FOCAD: variants seen among roughly 807,000 people sequenced by gnomAD.
FOCAD encodes focadhesin, also known as KIAA1797.
Under a neutral mutation model 225.6 loss-of-function variants are expected in FOCAD, and 198 were observed. That is an observed-to-expected ratio of 0.88 (90% confidence interval 0.78 to 0.99). FOCAD has a LOEUF of 0.99. Ranked by LOEUF, FOCAD falls within the 50% of genes least tolerant of loss-of-function variation. The pLI is 0.00. For missense variants in FOCAD, 2,713 were observed against 2,123.6 expected, an observed-to-expected ratio of 1.28 and a Z score of -5.46; for synonymous variants, 897 against 755.0, an observed-to-expected ratio of 1.19 and a Z score of -3.08.
chr9:20,739,519 G>A (rs201661916), intron 4 of FOCAD, among the ~76,000 whole-genome samples: 1 of 151,630 alleles, frequency 6.6e-6, no homozygotes, highest in African/African-American at 2.4e-5. Flanking sequence ...AGGAGAATCA[G>A]TTGAACCCAG....
At chr9:20,833,988 G>C (rs1377876428) in intron 15 of FOCAD, among the ~76,000 whole-genome samples, 1 of 152,026 alleles carries the variant, frequency 6.6e-6, no homozygotes, top group Non-Finnish European at 1.5e-5. Context: ...TCCACTTCTA[G>C]ATACTTACCC....
chr9:20,819,348 G>T (rs369828874), intron 11 of FOCAD, among the ~76,000 whole-genome samples: 1 of 151,980 alleles, frequency 6.6e-6, no homozygotes, highest in African/African-American at 2.4e-5. Context: ...CAAGTAGCTG[G>T]GGCTACAGGT....
intron 8 of FOCAD, among the ~76,000 whole-genome samples, chr9:20,772,967 A>G (rs1266785040): frequency 1.0e-5 from 1 of 95,628 alleles, no homozygotes; most frequent in Non-Finnish European, 2.1e-5. Context: ...TATAATATAG[A>G]TAGTATATAA....
chr9:20,709,407 T>C (rs1005769562), intron 1 of FOCAD, among the ~76,000 whole-genome samples: 6 of 152,020 alleles, frequency 3.9e-5, no homozygotes, highest in African/African-American at 9.7e-5. Context: ...ATATAAATTG[T>C]TTTTCCTTAA....
chr9:20,804,077 C>G (rs1056296958), intron 11 of FOCAD, among the ~76,000 whole-genome samples: 3 of 151,988 alleles, frequency 2.0e-5, no homozygotes, highest in African/African-American at 7.2e-5. Flanking sequence ...GTAGAGATTG[C>G]CAGAAGGTGG....
chr9:20,708,935 C>A (rs919047223), intron 1 of FOCAD, among the ~76,000 whole-genome samples: 1 of 152,128 alleles, frequency 6.6e-6, no homozygotes, highest in Non-Finnish European at 1.5e-5. Flanking sequence ...CCTTGTATAT[C>A]AGTTATTGTC....
intron 4 of FOCAD, among the ~76,000 whole-genome samples, chr9:20,725,415 C>G (rs1826115645): frequency 6.6e-6 from 1 of 152,122 alleles, no homozygotes; most frequent in South Asian, 2.1e-4. Flanking sequence ...AGCCTACTAT[C>G]CTTCAGGAAC....
At chr9:20,938,263 A>G (rs1363464423) in intron 28 of FOCAD, among the ~76,000 whole-genome samples, 1 of 152,176 alleles carries the variant, frequency 6.6e-6, no homozygotes, top group African/African-American at 2.4e-5. Flanking sequence ...TCATGCTGCT[A>G]TAAAGACACA....
At chr9:20,880,425 C>T (rs1218285282) in intron 19 of FOCAD, among the ~76,000 whole-genome samples, 1 of 152,208 alleles carries the variant, frequency 6.6e-6, no homozygotes, top group African/African-American at 2.4e-5. Flanking sequence ...GAATACATCT[C>T]CTGACTTCAC....
Position 20,821,049 on chromosome 9 carries a change from A to G in FOCAD, c.1771A>G (p.Ile591Val), listed in dbSNP as rs747657602. The G allele has an allele frequency of 4.3e-6, 7 of 1,612,562 alleles. No homozygotes were observed. The Admixed American group carries it at 8.4e-5, about 19-fold the overall frequency. ...WEKLIAKAAS[I>V]RDICKQRPYQ... is the part of the protein sequence containing the mutation. ...GAAACTGATTGCAAAAGCAGCATCA[A>G]TCAGAGATATATGTAAGCAGAGGTA... is the stretch of plus-strand genomic sequence containing the variant. The change falls in exon 14 of 44, where the codon ATC becomes GTC. Residue 591 changes from isoleucine to valine, a missense_variant. Coordinates refer to ENST00000338382, the MANE Select transcript of FOCAD (RefSeq NM_001375567.1).
chr9:20,715,473 T>A (rs1825258502), intron 2 of FOCAD, 63 bp downstream of exon 2: 1 of 852,356 alleles, frequency 1.2e-6, no homozygotes, highest in Non-Finnish European at 1.7e-6. Flanking sequence ...GATTTTTAAC[T>A]GAACTTTATA....
Position 20,789,580 on chromosome 9 carries a change from C to A in FOCAD, c.1427C>A (p.Thr476Lys), listed in dbSNP as rs1185822837. ...QNLHQILKVT[T>K]ELAQADSSQV... Reference sequence around the variant, plus strand: ...CTTCACCAAATACTCAAGGTCACTACAGAATTAGCCCAAGCAGATTCCTCC... The same window carrying A: ...CTTCACCAAATACTCAAGGTCACTAAAGAATTAGCCCAAGCAGATTCCTCC... Residue 476 changes from threonine (T) to lysine (K), a missense_variant, in exon 11 of 44, where the codon ACA (threonine) becomes AAA (lysine). Coordinates refer to ENST00000338382, the MANE Select transcript of FOCAD (RefSeq NM_001375567.1). 1.4e-5 allele frequency: 22 copies of A among 1,613,798 alleles called. No individual in the cohort carries two copies. The Admixed American group carries it at 3.7e-4, about 27-fold the overall frequency.
At position 20,929,543 on chromosome 9, in the gene FOCAD, C is replaced by G. The variant is rs1026358807; in HGVS notation, c.3264C>G (p.His1088Gln). The change falls in exon 27 of 44, where the codon CAC becomes CAG. Residue 1088 changes from histidine to glutamine, a missense_variant. By Grantham distance (24) the His-to-Gln change is conservative (BLOSUM62 0). Transcript: ENST00000338382. ...SADESQAVQI[H>Q]MGLALGMFLS... Reference sequence around the variant, plus strand: ...ATGAGTCTCAAGCCGTGCAAATCCACATGGGCCTTGCTTTAGGGATGTTTC... The same window carrying G: ...ATGAGTCTCAAGCCGTGCAAATCCAGATGGGCCTTGCTTTAGGGATGTTTC... The G allele has an allele frequency of 1.2e-6, 2 of 1,614,044 alleles. No individual in the cohort carries two copies. The highest frequency in any genetic ancestry group is 3.3e-5 in the Admixed American group (2 of 60,000).
chr9:20,872,685 ACC>A (rs1829896128), intron 18 of FOCAD: 1 of 151,662 alleles, frequency 6.6e-6, no homozygotes, highest in African/African-American at 2.4e-5. Flanking sequence ...TGTACAACTT[ACC>A]CTTTAAAGTA....
chr9:20,820,408 T>A lies in FOCAD; in HGVS notation c.1645T>A (p.Ser549Thr), dbSNP rs1179775314. 3 of 1,612,728 alleles carry A rather than the reference T, an allele frequency of 1.9e-6. No individual in the cohort carries two copies. The highest frequency in any genetic ancestry group is 2.5e-6 in the Non-Finnish European group (3 of 1,179,238). Residue 549 changes from serine (S) to threonine (T), a missense_variant, in exon 13 of 44, where the codon TCT becomes ACT. Physicochemically the swap from Ser to Thr is moderately conservative, Grantham distance 58. Coordinates refer to ENST00000338382, the MANE Select transcript of FOCAD (RefSeq NM_001375567.1). ...AGCTGTCACTTTGCGCTTGCTGACATCTTTGTGGGAAAAGCAGGTAATTTC... is the reference window on the plus strand; with the variant it reads ...AGCTGTCACTTTGCGCTTGCTGACAACTTTGTGGGAAAAGCAGGTAATTTC... ...LRAVTLRLLT[S>T]LWEKQDRVYP...
At position 20,781,841 on chromosome 9, in the gene FOCAD, T is replaced by C. The variant is rs1819404800; in HGVS notation, c.1109T>C (p.Val370Ala). 6.2e-7 allele frequency: 1 copy of C among 1,614,148 alleles called. No individual in the cohort carries two copies. The highest frequency in any genetic ancestry group is 8.5e-7 in the Non-Finnish European group (1 of 1,179,990). Reference sequence around the variant, plus strand: ...ACTGCCTTGGAAGACTGTATATCTGTGGATGAAGAAGGTCCCTCTAGGCAG... The same window carrying C: ...ACTGCCTTGGAAGACTGTATATCTGCGGATGAAGAAGGTCCCTCTAGGCAG... ...SSTALEDCISVDEEGPSRQQL... is the reference protein window; with the variant it reads ...SSTALEDCISADEEGPSRQQL... The change falls in exon 10 of 44, where the codon GTG becomes GCG. Residue 370 changes from valine to alanine, a missense_variant. Val to Ala is a moderately conservative substitution (Grantham distance 64, BLOSUM62 0). Coordinates refer to ENST00000338382, the MANE Select transcript of FOCAD (RefSeq NM_001375567.1).
chr9:20,945,776 C>T (rs1837112072), intron 29 of FOCAD, among the ~76,000 whole-genome samples: 2 of 151,560 alleles, frequency 1.3e-5, no homozygotes, highest in Non-Finnish European at 2.9e-5. Context: ...GTTTTTTTTT[C>T]TCCCCTCTGA....
intron 15 of FOCAD, among the ~76,000 whole-genome samples, chr9:20,830,931 G>T (rs1825424082): frequency 6.6e-6 from 1 of 152,018 alleles, no homozygotes; most frequent in African/African-American, 2.4e-5. Flanking sequence ...TCTCACCTTG[G>T]CCTCCCAAAG....
At chr9:20,866,474 T>A (rs558051854) in intron 17 of FOCAD, among the ~76,000 whole-genome samples, 1 of 152,170 alleles carries the variant, frequency 6.6e-6, no homozygotes, top group South Asian at 2.1e-4. Flanking sequence ...TATCAGACAG[T>A]AACTCCTTGT....
Sources: allele counts gnomAD v4.1 joint callset (sites outside exome capture counted in the v4.1 genomes callset), GRCh38; gene constraint gnomAD v4.1.1; transcripts MANE v1.5; gene names NCBI Gene and HGNC (gene_info 2026-07-23, HGNC 2026-07-21).